Variants in MARCHF5 observed in about 807,000 individuals in gnomAD.
MARCHF5 encodes the protein E3 ubiquitin-protein ligase MARCHF5.
MARCHF5 carries 5 observed loss-of-function variants against 36.5 expected under a neutral mutation model. The ratio of observed to expected loss-of-function variants is 0.14; its 90% confidence interval spans 0.07 to 0.29. The LOEUF is 0.29. MARCHF5 is among the 10% of genes least tolerant of loss of function. The pLI, the probability that MARCHF5 is intolerant of heterozygous loss-of-function variation, is 1.00. For synonymous variants in MARCHF5, 103 were observed against 109.9 expected, an observed-to-expected ratio of 0.94 and a Z score of 0.39; for missense variants, 179 against 336.3, an observed-to-expected ratio of 0.53 and a Z score of 3.66.
chr10:92,297,412 C>A (rs561795779), intron 1 of MARCHF5, among the ~76,000 whole-genome samples: 10 of 151,642 alleles, frequency 6.6e-5, no homozygotes, highest in Admixed American at 3.3e-4. Flanking sequence ...TCAAGTGATC[C>A]GCTCGCCTCG....
At chr10:92,297,840 C>G (rs1344857958) in intron 1 of MARCHF5, among the ~76,000 whole-genome samples, 9 of 151,484 alleles carry the variant, frequency 5.9e-5, no homozygotes, top group African/African-American at 1.9e-4. Context: ...TTCTTATTTT[C>G]TCTTTATTAT....
At chr10:92,326,628 A>C (rs2135200659) in intron 2 of MARCHF5, among the ~76,000 whole-genome samples, 1 of 152,354 alleles carries the variant, frequency 6.6e-6, no homozygotes, top group South Asian at 2.1e-4. Flanking sequence ...GAATTGAAAG[A>C]CAAGTGTATT....
At chr10:92,295,791 T>C (rs1281326468) in intron 1 of MARCHF5, among the ~76,000 whole-genome samples, 1 of 152,122 alleles carries the variant, frequency 6.6e-6, no homozygotes, top group African/African-American at 2.4e-5. Flanking sequence ...TTTGTTTATA[T>C]TGGTAACTTT....
intron 2 of MARCHF5, among the ~76,000 whole-genome samples, chr10:92,318,331 C>T (rs1287513667): frequency 6.6e-6 from 1 of 151,472 alleles, no homozygotes; most frequent in African/African-American, 2.4e-5. Flanking sequence ...GAGGCTGAGG[C>T]GCTAGAATCA....
intron 3 of MARCHF5, among the ~76,000 whole-genome samples, chr10:92,341,780 C>CTTTTTTTTTTTT (rs71025395): frequency 2.6e-5 from 2 of 77,388 alleles, no homozygotes; most frequent in African/African-American, 9.3e-5. Context: ...AGTTTACATC[C>CTTTTTTTTTTTT]TTTTTTTTTT....
At chr10:92,298,523 C>A (rs1235241821) in intron 1 of MARCHF5, among the ~76,000 whole-genome samples, 1 of 152,140 alleles carries the variant, frequency 6.6e-6, no homozygotes, top group East Asian at 1.9e-4. Context: ...AATTTTTGGT[C>A]TTTGATATTA....
chr10:92,319,951 CAA>C (rs576145437), intron 2 of MARCHF5, among the ~76,000 whole-genome samples: 2 of 71,176 alleles, frequency 2.8e-5, no homozygotes, highest in Admixed American at 1.7e-4. Flanking sequence ...TGCACCTGGC[CAA>C]AAAAAAAAAA....
chr10:92,293,608 TAAA>T (rs771787448), intron 1 of MARCHF5, among the ~76,000 whole-genome samples: 1 of 126,630 alleles, frequency 7.9e-6, no homozygotes. Flanking sequence ...CTGTCTCTAC[TAAA>T]AAAAAAAAAA....
chr10:92,338,911 C>A (rs546159810), intron 2 of MARCHF5, among the ~76,000 whole-genome samples: 1 of 151,914 alleles, frequency 6.6e-6, no homozygotes, highest in African/African-American at 2.4e-5. Flanking sequence ...TTTGGTAGCT[C>A]ACACACACCT....
intron 2 of MARCHF5, among the ~76,000 whole-genome samples, chr10:92,339,398 G>A (rs528982429): frequency 1.4e-4 from 20 of 140,440 alleles, no homozygotes; most frequent in Admixed American, 3.5e-4. Context: ...GGCTGGGTGC[G>A]GTGGCTCACA....
intron 2 of MARCHF5, among the ~76,000 whole-genome samples, chr10:92,311,921 C>T (rs1178598638): frequency 6.6e-6 from 1 of 152,144 alleles, no homozygotes; most frequent in Non-Finnish European, 1.5e-5. Flanking sequence ...AGACTGCTTA[C>T]AAGAAGCATT....
chr10:92,304,386 C>G (rs1199412861), intron 1 of MARCHF5, among the ~76,000 whole-genome samples: 1 of 152,108 alleles, frequency 6.6e-6, no homozygotes, highest in Non-Finnish European at 1.5e-5. Context: ...ATTTTTTATG[C>G]TAAAACTCCT....
intron 2 of MARCHF5, among the ~76,000 whole-genome samples, chr10:92,315,078 C>T (rs568718996): frequency 6.6e-6 from 1 of 152,268 alleles, no homozygotes; most frequent in Admixed American, 6.5e-5. Flanking sequence ...TATGCTGATT[C>T]CAGCACAACT....
chr10:92,311,336 G>A lies in MARCHF5; in HGVS notation c.237G>A (p.Leu79=), dbSNP rs753434758. Residue 79 remains leucine, a splice_region_variant and synonymous_variant, in exon 2 of 6, where the codon TTG becomes TTA. Coordinates refer to ENST00000358935, the MANE Select transcript of MARCHF5 (RefSeq NM_017824.5). ...NAEYLIVFPK[L]GPVVYVLDLA... ...AATACCTAATAGTTTTTCCAAAATTGGGTAAGAATATCTTTAAAAACAACA... is the reference window on the plus strand; with the variant it reads ...AATACCTAATAGTTTTTCCAAAATTAGGTAAGAATATCTTTAAAAACAACA... 1.4e-5 allele frequency: 22 copies of A among 1,564,692 alleles called. No individual in the cohort carries two copies. The highest frequency in any genetic ancestry group is 1.9e-5 in the Non-Finnish European group (22 of 1,152,348).
intron 2 of MARCHF5, among the ~76,000 whole-genome samples, chr10:92,318,532 G>A (rs1395772330): frequency 2.0e-5 from 3 of 151,740 alleles, no homozygotes; most frequent in Non-Finnish European, 4.4e-5. Context: ...ACCAGCCTGG[G>A]GAACATGGCA....
At position 92,295,399 on chromosome 10, in the gene MARCHF5, A is replaced by ATTTTTTTT. The variant is rs1234961486; in HGVS notation, c.35+3873_35+3874insTTTTTTTT. On this transcript the variant is annotated intron_variant, in intron 1 of 5. Coordinates refer to ENST00000358935, the MANE Select transcript of MARCHF5 (RefSeq NM_017824.5). ...TGGTGACAACTTCTTTTATTTATTTATTTATTTATTTTTTATTTTTTTTTT... is the reference window on the plus strand; with the variant it reads ...TGGTGACAACTTCTTTTATTTATTTATTTTTTTTTTTATTTATTTTTTATTTTTTTTTT... 3.4e-4 allele frequency among the ~76,000 whole-genome samples: 22 copies of ATTTTTTTT among 65,002 alleles called. 1 individual carries two copies. The highest frequency in any genetic ancestry group is 5.3e-4 in the Non-Finnish European group (16 of 29,936). 42.6% of individuals were successfully genotyped at this position (65,002 alleles called of 152,430 possible).
In MARCHF5 at chr10:92,353,280, G is replaced by A. The variant is rs182393027; in HGVS notation, c.*2073G>A. On this transcript the variant is annotated 3_prime_UTR_variant, in exon 6 of 6. Transcript: ENST00000358935. ...GCCAGTCTTCCCAGGAAGGTGACCT[G>A]CCTGACCATGAAGCAACAAAAGAGC... is the stretch of plus-strand genomic sequence containing the variant. 6.6e-6 allele frequency: 1 copy of A among 152,158 alleles called. No homozygotes were observed. The highest frequency in any genetic ancestry group is 1.5e-5 in the Non-Finnish European group (1 of 68,042). The allele number at this position is 152,158 out of a possible 1,614,324, so 9.4% of individuals were successfully genotyped here.
intron 3 of MARCHF5, among the ~76,000 whole-genome samples, chr10:92,342,827 A>G (rs1206609059): frequency 5.3e-5 from 8 of 152,260 alleles, no homozygotes; most frequent in Admixed American, 5.2e-4. Context: ...AATATAAATT[A>G]GAATTTACAT....
At chr10:92,325,623 A>C (rs1053638010) in intron 2 of MARCHF5, among the ~76,000 whole-genome samples, 1 of 152,112 alleles carries the variant, frequency 6.6e-6, no homozygotes, top group Non-Finnish European at 1.5e-5. Flanking sequence ...CTTATATCTC[A>C]TTAAGAGTAA....
Sources: gnomAD v4.1 joint callset for allele counts (sites outside exome capture counted in the v4.1 genomes callset) on GRCh38, gnomAD v4.1.1 for gene constraint, MANE v1.5 for transcripts, NCBI Gene and HGNC (gene_info 2026-07-23, HGNC 2026-07-21) for gene names.